EEIG2: variants seen among roughly 807,000 people sequenced by gnomAD.
EEIG2 encodes the protein EEIG family member 2.
chr1:108,583,771 T>A, the EEIG2 span, among the ~76,000 whole-genome samples: 1 of 151,656 alleles, frequency 6.6e-6, no homozygotes, highest in Non-Finnish European at 1.5e-5. Flanking sequence ...TTTAAGATAA[T>A]CCACCGGGAC....
At chr1:108,625,588 C>G in the EEIG2 span, 3 of 152,130 alleles carry the variant, frequency 2.0e-5, no homozygotes, top group Non-Finnish European at 2.9e-5. Context: ...TTAGCTCCTT[C>G]TCTTCAGCAT....
At chr1:108,588,603 T>A in the EEIG2 span, among the ~76,000 whole-genome samples, 1 of 152,334 alleles carries the variant, frequency 6.6e-6, no homozygotes, top group Middle Eastern at 3.4e-3. Context: ...CTAGTTAATG[T>A]ATTCATCACC....
chr1:108,638,830 A>AT, the EEIG2 span: 1 of 152,204 alleles, frequency 6.6e-6, no homozygotes, highest in Non-Finnish European at 1.5e-5. Flanking sequence ...TACACATGCG[A>AT]TTTTTGTAAG....
chr1:108,566,123 C>G, the EEIG2 span, among the ~76,000 whole-genome samples: 1 of 152,010 alleles, frequency 6.6e-6, no homozygotes, highest in Non-Finnish European at 1.5e-5. Context: ...ATTAAATATT[C>G]AATTACAAGA....
chr1:108,583,883 T>C, the EEIG2 span, among the ~76,000 whole-genome samples: 1 of 152,048 alleles, frequency 6.6e-6, no homozygotes, highest in South Asian at 2.1e-4. Context: ...GACCAAACAT[T>C]GGGGAGGTAT....
chr1:108,638,610 C>T, the EEIG2 span: 1 of 152,092 alleles, frequency 6.6e-6, no homozygotes, highest in African/African-American at 2.4e-5. Context: ...TTCTGAAATT[C>T]TGTTTGGTCA....
At chr1:108,638,376 C>T in the EEIG2 span, 1 of 152,204 alleles carries the variant, frequency 6.6e-6, no homozygotes, top group Middle Eastern at 3.2e-3. Context: ...ATTCAAACAG[C>T]AGTTAGTTTT....
the EEIG2 span, among the ~76,000 whole-genome samples, chr1:108,561,371 T>G: frequency 6.6e-6 from 1 of 152,330 alleles, no homozygotes; most frequent in East Asian, 1.9e-4. Flanking sequence ...TTCTTTAAAA[T>G]ATATACATAG....
the EEIG2 span, among the ~76,000 whole-genome samples, chr1:108,598,828 T>G: frequency 6.6e-6 from 1 of 152,146 alleles, no homozygotes; most frequent in African/African-American, 2.4e-5. Context: ...TTCTGTGTAC[T>G]GATGGAGAAA....
At chr1:108,598,334 C>CAAAAAAAAAAAAAAAAAAAAAAAAA in the EEIG2 span, among the ~76,000 whole-genome samples, 1 of 91,884 alleles carries the variant, frequency 1.1e-5, no homozygotes, top group Non-Finnish European at 2.2e-5. Context: ...ACCCTGTATC[C>CAAAAAAAAAAAAAAAAAAAAAAAAA]AAAAAAAAAA....
chr1:108,638,828 C>G, the EEIG2 span: 1 of 152,178 alleles, frequency 6.6e-6, no homozygotes, highest in Non-Finnish European at 1.5e-5. Flanking sequence ...CTTACACATG[C>G]GATTTTTGTA....
chr1:108,629,557 A>T, the EEIG2 span: 24 of 1,432,344 alleles, frequency 1.7e-5, no homozygotes, highest in Non-Finnish European at 2.1e-5. Flanking sequence ...ATAATTGTAC[A>T]TGTAACAAAC....
the EEIG2 span, among the ~76,000 whole-genome samples, chr1:108,572,296 T>C: frequency 1.3e-5 from 2 of 152,180 alleles, no homozygotes; most frequent in Admixed American, 6.5e-5. Context: ...CAGAGCAAAA[T>C]TGAATGGAAA....
At chr1:108,598,484 C>T in the EEIG2 span, among the ~76,000 whole-genome samples, 8 of 151,998 alleles carry the variant, frequency 5.3e-5, no homozygotes, top group Non-Finnish European at 1.0e-4. Flanking sequence ...CTGACAAGTA[C>T]CTCCAGGTCC....
At chr1:108,609,560 A>T in the EEIG2 span, among the ~76,000 whole-genome samples, 1 of 152,198 alleles carries the variant, frequency 6.6e-6, no homozygotes, top group Non-Finnish European at 1.5e-5. Context: ...TCCGAGAGAC[A>T]GCATTTCCCG....
At chr1:108,585,665 T>C in the EEIG2 span, among the ~76,000 whole-genome samples, 1 of 152,146 alleles carries the variant, frequency 6.6e-6, no homozygotes, top group African/African-American at 2.4e-5. Flanking sequence ...AGTAGAGCTA[T>C]ATTAATAGTA....
the EEIG2 span, among the ~76,000 whole-genome samples, chr1:108,624,057 A>G: frequency 2.6e-5 from 4 of 152,208 alleles, no homozygotes; most frequent in African/African-American, 7.2e-5. Context: ...AGGAGTTTGA[A>G]TTAACCAATG....
the EEIG2 span, among the ~76,000 whole-genome samples, chr1:108,601,537 AAACTC>A: frequency 2.3e-4 from 35 of 151,728 alleles, 2 homozygotes; most frequent in African/African-American, 7.0e-4. Flanking sequence ...AAAAATTAGT[AAACTC>A]AACTATATAA....
At chr1:108,615,504 G>C in the EEIG2 span, among the ~76,000 whole-genome samples, 1 of 151,862 alleles carries the variant, frequency 6.6e-6, no homozygotes, top group Non-Finnish European at 1.5e-5. Context: ...GTTGGGCACA[G>C]TGACTCACAC....
Sources: gnomAD v4.1 joint callset for allele counts (sites outside exome capture counted in the v4.1 genomes callset) on GRCh38, gnomAD v4.1.1 for gene constraint, MANE v1.5 for transcripts, NCBI Gene and HGNC (gene_info 2026-07-23, HGNC 2026-07-21) for gene names.